ATP10B: variants seen among roughly 807,000 people sequenced by gnomAD.
ATP10B encodes the protein phospholipid-transporting ATPase VB.
ATP10B carries 122 observed loss-of-function variants against 141.2 expected under a neutral mutation model. That is an observed-to-expected ratio of 0.86 (90% CI 0.75 to 1.00). The LOEUF is 1.00. Ranked by LOEUF, ATP10B falls within the 50% of genes least tolerant of loss-of-function variation. ATP10B has a pLI of 0.00. For missense variants in ATP10B, 1,876 were observed against 1,825.3 expected (o/e 1.03, Z -0.51); for synonymous variants, 685 against 692.0 (o/e 0.99, Z 0.16).
At chr5:160,655,626 G>A (rs1761439610) in intron 7 of ATP10B, among the ~76,000 whole-genome samples, 1 of 152,136 alleles carries the variant, frequency 6.6e-6, no homozygotes, top group Non-Finnish European at 1.5e-5. Flanking sequence ...CGTAGAAAAA[G>A]CCCCAGGTAC....
intron 1 of ATP10B, among the ~76,000 whole-genome samples, chr5:160,787,609 T>A (rs1368264688): frequency 5.9e-5 from 9 of 152,194 alleles, no homozygotes; most frequent in Admixed American, 2.0e-4. Flanking sequence ...ATTATTTATT[T>A]AAATCAGAAA....
chr5:160,684,821 G>A (rs1465661355), intron 6 of ATP10B: 4 of 674,146 alleles, frequency 5.9e-6, no homozygotes, highest in East Asian at 2.7e-5. Context: ...CTTCCCCAGA[G>A]TTTTTTGCTT....
chr5:160,686,675 G>T (rs1313761520), intron 5 of ATP10B, among the ~76,000 whole-genome samples: 1 of 152,130 alleles, frequency 6.6e-6, no homozygotes, highest in Non-Finnish European at 1.5e-5. Context: ...AAACCATCTA[G>T]ATTTAAATTC....
At chr5:160,814,100 C>G (rs951494367) in intron 1 of ATP10B, among the ~76,000 whole-genome samples, 1 of 152,180 alleles carries the variant, frequency 6.6e-6, no homozygotes, top group Non-Finnish European at 1.5e-5. Flanking sequence ...AGGAACGCAG[C>G]TCTTCACCAG....
the ATP10B span, among the ~76,000 whole-genome samples, chr5:160,880,177 A>C: frequency 4.3e-4 from 63 of 147,264 alleles, 1 homozygote; most frequent in Middle Eastern, 3.6e-3. Context: ...AAAAATATAT[A>C]ATGTAAATAT....
At chr5:160,829,261 G>T (rs1476632561) in intron 1 of ATP10B, among the ~76,000 whole-genome samples, 2 of 151,894 alleles carry the variant, frequency 1.3e-5, no homozygotes, top group Non-Finnish European at 2.9e-5. Context: ...AAATTAGATG[G>T]TTGTAGGTTT....
chr5:160,803,974 A>G (rs1377520126), intron 1 of ATP10B, among the ~76,000 whole-genome samples: 2 of 152,064 alleles, frequency 1.3e-5, no homozygotes, highest in Non-Finnish European at 1.5e-5. Flanking sequence ...GGAGGCAGAA[A>G]TCAAATTTCT....
intron 2 of ATP10B, among the ~76,000 whole-genome samples, chr5:160,748,258 A>G (rs543625624): frequency 2.0e-5 from 3 of 152,280 alleles, no homozygotes; most frequent in African/African-American, 7.2e-5. Flanking sequence ...ACTGACTTTA[A>G]CAGGCTTCTT....
intron 24 of ATP10B, among the ~76,000 whole-genome samples, chr5:160,582,532 C>T (rs1755621177): frequency 6.6e-6 from 1 of 152,180 alleles, no homozygotes; most frequent in African/African-American, 2.4e-5. Flanking sequence ...ATGGACTTCT[C>T]TTTGTGGGGA....
At chr5:160,858,178 T>C in the ATP10B span, among the ~76,000 whole-genome samples, 1 of 151,928 alleles carries the variant, frequency 6.6e-6, no homozygotes, top group Non-Finnish European at 1.5e-5. Context: ...ATATTTAAAA[T>C]TGTGTCTCCC....
intron 3 of ATP10B, among the ~76,000 whole-genome samples, chr5:160,714,591 G>A (rs57313961): frequency 7.8e-6 from 1 of 128,156 alleles, no homozygotes; most frequent in Non-Finnish European, 1.6e-5. Context: ...TAATTTGATC[G>A]TCTGAAGCTT....
chr5:160,833,198 T>C (rs1775208985), intron 1 of ATP10B, among the ~76,000 whole-genome samples: 1 of 152,174 alleles, frequency 6.6e-6, no homozygotes, highest in African/African-American at 2.4e-5. Context: ...AAGTTTATGG[T>C]TGTGCTATAA....
intron 19 of ATP10B, 73 bp downstream of exon 19, chr5:160,606,692 T>G (rs1230524200): frequency 1.4e-5 from 21 of 1,479,368 alleles, no homozygotes; most frequent in Non-Finnish European, 1.9e-5. Context: ...AGACCTGACC[T>G]CCCACCTCTG....
At chr5:160,673,115 C>T (rs1057086252) in intron 6 of ATP10B, among the ~76,000 whole-genome samples, 1 of 152,208 alleles carries the variant, frequency 6.6e-6, no homozygotes, top group African/African-American at 2.4e-5. Flanking sequence ...AAATGTCATC[C>T]AAATGACTAT....
At chr5:160,886,911 T>A in the ATP10B span, among the ~76,000 whole-genome samples, 1 of 152,136 alleles carries the variant, frequency 6.6e-6, no homozygotes, top group Non-Finnish European at 1.5e-5. Context: ...AATGCTCCAT[T>A]AAAGGGAAAA....
the ATP10B span, among the ~76,000 whole-genome samples, chr5:160,870,689 T>C: frequency 6.6e-6 from 1 of 151,704 alleles, no homozygotes; most frequent in African/African-American, 2.4e-5. Flanking sequence ...CCCAAATTAA[T>C]GTCAGACACA....
intron 3 of ATP10B, among the ~76,000 whole-genome samples, chr5:160,707,863 G>T (rs1765109052): frequency 6.6e-6 from 1 of 152,194 alleles, no homozygotes; most frequent in African/African-American, 2.4e-5. Context: ...TGGAGACTCA[G>T]AGAAGCAGCA....
intron 24 of ATP10B, among the ~76,000 whole-genome samples, chr5:160,587,734 T>C (rs191426631): frequency 4.6e-4 from 70 of 152,370 alleles, no homozygotes; most frequent in Admixed American, 4.5e-3. Context: ...TCTGTTTGTC[T>C]ATTGTTGGTG....
rs751974766 is a variant in ATP10B at position 160,670,488 on chromosome 5, C to T, written c.650G>A (p.Cys217Tyr). ...LDGETNLKQR[C>Y]VVKGFSQQEV... The stretch of plus-strand genomic sequence containing the variant: ...CTGCTGTGAGAAGCCCTTCACGACA[C>T]ATCTTTGCTTGAGGTTTGTCTCTCC... The change falls in exon 7 of 26, where the codon TGT becomes TAT. Residue 217 changes from cysteine (C) to tyrosine (Y), a missense_variant. Coordinates refer to ENST00000327245, the MANE Select transcript of ATP10B (RefSeq NM_025153.3). 10 of 1,613,896 alleles carry T rather than the reference C, an allele frequency of 6.2e-6. No homozygotes were observed. Among genetic ancestry groups the T allele is most frequent in the Admixed American group, 3.3e-5 (2 of 59,998 alleles).
Sources: gnomAD v4.1 joint callset for allele counts (sites outside exome capture counted in the v4.1 genomes callset) on GRCh38, gnomAD v4.1.1 for gene constraint, MANE v1.5 for transcripts, NCBI Gene and HGNC (gene_info 2026-07-23, HGNC 2026-07-21) for gene names.